The following GPC5 variants were observed in gnomAD, a reference collection of about 807,000 sequenced individuals.
GPC5 encodes the protein glypican-5.
GPC5 carries 47 observed loss-of-function variants against 53.9 expected under a neutral mutation model. The observed-to-expected ratio is 0.87, with a 90% CI of 0.69 to 1.11. The LOEUF (loss-of-function observed/expected upper bound fraction) is 1.11. Among genes scored for constraint, GPC5 ranks in the 50% most tolerant of loss-of-function variants. The pLI is 0.00. For synonymous variants in GPC5, 286 were observed against 263.3 expected (o/e 1.09, Z -0.84); for missense variants, 748 against 713.1 (o/e 1.05, Z -0.56).
intron 2 of GPC5, among the ~76,000 whole-genome samples, chr13:91,654,370 T>C (rs1330934800): frequency 2.0e-5 from 3 of 152,168 alleles, no homozygotes; most frequent in Admixed American, 6.5e-5. Context: ...TTCACAAATA[T>C]GCTTAAATAA....
chr13:92,608,956 C>G (rs1410019406), intron 7 of GPC5, among the ~76,000 whole-genome samples: 1 of 152,120 alleles, frequency 6.6e-6, no homozygotes, highest in Non-Finnish European at 1.5e-5. Context: ...CATGAATATC[C>G]TTTCTTACCT....
Position 92,729,151 on chromosome 13 carries a change from C to T in GPC5, c.1562-137131C>T, listed in dbSNP as rs943947862. Among the ~76,000 whole-genome samples, 2 of 151,344 alleles carry T rather than the reference C, an allele frequency of 1.3e-5. 1 individual carries two copies. Among genetic ancestry groups the T allele is most frequent in the Admixed American group, 1.3e-4 (2 of 15,094 alleles). On this transcript the variant is annotated intron_variant, in intron 7 of 7. Transcript: ENST00000377067. ...CTCCCCAAAGCATCCTTACAGGCTA[C>T]TCATCCTTTGTTATCTACCATGTCT...
chr13:91,638,558 GT>G (rs2034341158), intron 2 of GPC5, among the ~76,000 whole-genome samples: 1 of 151,898 alleles, frequency 6.6e-6, no homozygotes, highest in Non-Finnish European at 1.5e-5. Flanking sequence ...TAGAGAAGGG[GT>G]TTTACCATAT....
At chr13:92,828,516 C>T (rs919941895) in intron 7 of GPC5, among the ~76,000 whole-genome samples, 2 of 152,088 alleles carry the variant, frequency 1.3e-5, no homozygotes, top group Non-Finnish European at 2.9e-5. Context: ...CGCACTTGTT[C>T]ACTGTATGTT....
intron 7 of GPC5, among the ~76,000 whole-genome samples, chr13:92,608,121 A>T (rs1160416894): frequency 6.6e-6 from 1 of 152,200 alleles, no homozygotes; most frequent in Admixed American, 6.5e-5. Context: ...TCGACCATTT[A>T]TGTTATTGGT....
At chr13:91,705,170 G>A (rs2036072474) in intron 3 of GPC5, among the ~76,000 whole-genome samples, 1 of 152,194 alleles carries the variant, frequency 6.6e-6, no homozygotes, top group Admixed American at 6.5e-5. Flanking sequence ...TCAGGAATGT[G>A]TAGTCTAACT....
chr13:92,430,646 A>G (rs947194587), intron 7 of GPC5, among the ~76,000 whole-genome samples: 5 of 152,154 alleles, frequency 3.3e-5, no homozygotes, highest in African/African-American at 1.2e-4. Flanking sequence ...TAAGGAAGAT[A>G]ATCAAAATTC....
intron 5 of GPC5, among the ~76,000 whole-genome samples, chr13:91,801,745 T>C (rs182062710): frequency 1.2e-3 from 176 of 152,322 alleles, no homozygotes; most frequent in African/African-American, 4.1e-3. Context: ...ATTATTGTTA[T>C]CACTATTTGC....
chr13:92,709,043 G>A (rs1276143686), intron 7 of GPC5, among the ~76,000 whole-genome samples: 2 of 147,524 alleles, frequency 1.4e-5, no homozygotes, highest in African/African-American at 5.0e-5. Flanking sequence ...CCACCATCTG[G>A]CTAATTTTTT....
chr13:92,578,223 C>T (rs1376871811), intron 7 of GPC5, among the ~76,000 whole-genome samples: 1 of 152,120 alleles, frequency 6.6e-6, no homozygotes, highest in Admixed American at 6.6e-5. Flanking sequence ...AATCGAAACC[C>T]TTTTATGTGT....
At chr13:91,565,920 TG>T (rs1438118997) in intron 2 of GPC5, among the ~76,000 whole-genome samples, 1 of 152,314 alleles carries the variant, frequency 6.6e-6, no homozygotes, top group East Asian at 1.9e-4. Context: ...TGGCACTTTT[TG>T]GTGTTCCTTA....
intron 7 of GPC5, among the ~76,000 whole-genome samples, chr13:92,569,821 C>T (rs1458654560): frequency 6.6e-6 from 1 of 152,072 alleles, no homozygotes; most frequent in Non-Finnish European, 1.5e-5. Context: ...ATTTATATTG[C>T]TTACTTTGAT....
chr13:91,509,312 T>C (rs1338722531), intron 2 of GPC5, among the ~76,000 whole-genome samples: 1 of 151,052 alleles, frequency 6.6e-6, no homozygotes, highest in Non-Finnish European at 1.5e-5. Context: ...AAAAAACTTT[T>C]GCAAACAAAC....
chr13:91,906,566 A>G (rs2039555262), intron 5 of GPC5, among the ~76,000 whole-genome samples: 1 of 152,156 alleles, frequency 6.6e-6, no homozygotes. Flanking sequence ...GAATAAACAT[A>G]CAAATGAATG....
chr13:92,533,928 T>A (rs1881640182), intron 7 of GPC5, among the ~76,000 whole-genome samples: 1 of 152,182 alleles, frequency 6.6e-6, no homozygotes, highest in South Asian at 2.1e-4. Context: ...TAAACCTAAC[T>A]AAAAGTGTGA....
intron 7 of GPC5, among the ~76,000 whole-genome samples, chr13:92,431,762 C>G (rs1877096910): frequency 1.3e-5 from 2 of 152,094 alleles, no homozygotes; most frequent in South Asian, 4.2e-4. Flanking sequence ...TGAAAATGGA[C>G]TATTGTTCAA....
intron 6 of GPC5, among the ~76,000 whole-genome samples, chr13:91,968,754 G>T (rs928838905): frequency 3.3e-5 from 5 of 151,618 alleles, no homozygotes; most frequent in African/African-American, 1.2e-4. Context: ...GAGCCACTGC[G>T]CCCGGGCAAT....
chr13:92,149,915 A>G (rs966696662), intron 7 of GPC5, among the ~76,000 whole-genome samples: 37 of 151,970 alleles, frequency 2.4e-4, no homozygotes, highest in Non-Finnish European at 2.9e-5. Flanking sequence ...ACATATGCCT[A>G]TAAGATTTGA....
chr13:91,879,509 G>C (rs535972912), intron 5 of GPC5, among the ~76,000 whole-genome samples: 1 of 152,236 alleles, frequency 6.6e-6, no homozygotes, highest in East Asian at 1.9e-4. Context: ...TTTGGTGTCT[G>C]GTGAAAATCT....
Sources: allele counts gnomAD v4.1 joint callset (sites outside exome capture counted in the v4.1 genomes callset), GRCh38; gene constraint gnomAD v4.1.1; transcripts MANE v1.5; gene names NCBI Gene and HGNC (gene_info 2026-07-23, HGNC 2026-07-21).